LRRC4C: variants seen among roughly 807,000 people sequenced by gnomAD.
The protein encoded by LRRC4C is leucine rich repeat containing 4C.
A neutral mutation model predicts 33.6 loss-of-function variants in LRRC4C; 5 were observed. The observed-to-expected ratio is 0.15, with a 90% CI of 0.08 to 0.31. The LOEUF (loss-of-function observed/expected upper bound fraction) is 0.31, where lower values mean the gene tolerates loss of function less well. Among genes scored for constraint, LRRC4C ranks in the 10% least tolerant of loss-of-function variants. LRRC4C has a pLI of 1.00. For missense variants in LRRC4C, 560 were observed against 796.7 expected (o/e 0.70, Z 3.58); for synonymous variants, 329 against 302.0 (o/e 1.09, Z -0.93).
intron 3 of LRRC4C, among the ~76,000 whole-genome samples, chr11:40,357,323 G>A (rs533062739): frequency 1.1e-4 from 17 of 152,212 alleles, no homozygotes; most frequent in Middle Eastern, 3.4e-3. Flanking sequence ...GAACAGGGGC[G>A]TGCTTTCTGT....
chr11:40,764,512 G>C (rs1339300340), intron 2 of LRRC4C, among the ~76,000 whole-genome samples: 1 of 152,132 alleles, frequency 6.6e-6, no homozygotes, highest in Non-Finnish European at 1.5e-5. Flanking sequence ...AGCATTTTGG[G>C]ATCCACCTTT....
At chr11:40,315,727 C>T (rs1449250824) in intron 4 of LRRC4C, among the ~76,000 whole-genome samples, 1 of 151,958 alleles carries the variant, frequency 6.6e-6, no homozygotes, top group Non-Finnish European at 1.5e-5. Flanking sequence ...TATTTGCAAT[C>T]TTAGAAAAGG....
At chr11:40,683,537 TA>T (rs199555726) in intron 2 of LRRC4C, among the ~76,000 whole-genome samples, 2,850 of 151,588 alleles carry the variant, frequency 0.019, 31 homozygotes, top group Middle Eastern at 0.044. Context: ...ATAACTGATA[TA>T]AAAAAAAGTG....
chr11:40,650,696 T>C (rs1942740717), intron 2 of LRRC4C, among the ~76,000 whole-genome samples: 1 of 152,212 alleles, frequency 6.6e-6, no homozygotes, highest in Non-Finnish European at 1.5e-5. Flanking sequence ...TTCACAGTAC[T>C]CTTTTAACTA....
chr11:40,695,947 T>G (rs1428892637), intron 2 of LRRC4C, among the ~76,000 whole-genome samples: 1 of 151,822 alleles, frequency 6.6e-6, no homozygotes, highest in Non-Finnish European at 1.5e-5. Flanking sequence ...GAAGTAGACA[T>G]CTCTAGGGGT....
chr11:40,335,527 T>C (rs1447487222), intron 3 of LRRC4C, among the ~76,000 whole-genome samples: 1 of 152,326 alleles, frequency 6.6e-6, no homozygotes, highest in South Asian at 2.1e-4. Flanking sequence ...CGCTAGAGCA[T>C]GAAAAATGTA....
intron 2 of LRRC4C, among the ~76,000 whole-genome samples, chr11:40,798,573 T>A (rs886455790): frequency 6.6e-6 from 1 of 152,090 alleles, no homozygotes; most frequent in African/African-American, 2.4e-5. Context: ...TATAGATGCA[T>A]AATAAAAGTA....
At chr11:41,362,753 C>A (rs568232413) in intron 1 of LRRC4C, among the ~76,000 whole-genome samples, 1 of 152,012 alleles carries the variant, frequency 6.6e-6, no homozygotes, top group Non-Finnish European at 1.5e-5. Flanking sequence ...AAGTCAGTGT[C>A]CTTGTTTTAT....
chr11:40,385,758 T>C (rs1264260572), intron 3 of LRRC4C, among the ~76,000 whole-genome samples: 1 of 151,808 alleles, frequency 6.6e-6, no homozygotes, highest in Non-Finnish European at 1.5e-5. Context: ...TCCCAGCTAC[T>C]CGGGAGGCTG....
chr11:40,525,497 A>G (rs12281469), intron 3 of LRRC4C, among the ~76,000 whole-genome samples: 13,235 of 151,990 alleles, frequency 0.087, 1,618 homozygotes, highest in African/African-American at 0.28. Context: ...CACAATTTAC[A>G]TTACTAAAAA....
chr11:40,645,485 A>C (rs1232585622), intron 3 of LRRC4C, among the ~76,000 whole-genome samples: 1 of 152,166 alleles, frequency 6.6e-6, no homozygotes, highest in East Asian at 1.9e-4. Flanking sequence ...GGGAGAATAG[A>C]AGCTTGAGAG....
intron 1 of LRRC4C, among the ~76,000 whole-genome samples, chr11:41,135,092 A>G (rs1433915557): frequency 6.6e-6 from 1 of 152,120 alleles, no homozygotes; most frequent in East Asian, 1.9e-4. Flanking sequence ...GACTAAAATC[A>G]CAGTCCATGG....
At chr11:40,249,912 A>G (rs1313103795) in intron 4 of LRRC4C, among the ~76,000 whole-genome samples, 1 of 152,376 alleles carries the variant, frequency 6.6e-6, no homozygotes, top group East Asian at 1.9e-4. Context: ...TTAGTGCAGA[A>G]TAAAGTATAA....
intron 1 of LRRC4C, among the ~76,000 whole-genome samples, chr11:41,319,654 C>T (rs746541962): frequency 2.6e-5 from 4 of 152,198 alleles, no homozygotes; most frequent in African/African-American, 9.7e-5. Context: ...GCAATCCTCC[C>T]ACCTCCCAGG....
At chr11:41,252,146 G>A (rs1409060629) in intron 1 of LRRC4C, among the ~76,000 whole-genome samples, 1 of 152,142 alleles carries the variant, frequency 6.6e-6, no homozygotes, top group African/African-American at 2.4e-5. Flanking sequence ...TAAGGAAGAG[G>A]GATTGAATTC....
chr11:40,136,146 C>A (rs1856954636), intron 6 of LRRC4C, among the ~76,000 whole-genome samples: 1 of 151,914 alleles, frequency 6.6e-6, no homozygotes, highest in African/African-American at 2.4e-5. Flanking sequence ...GCTGCTTTTA[C>A]ACTGAAGGGC....
chr11:40,352,127 CTT>C, intron 3 of LRRC4C, among the ~76,000 whole-genome samples: 1 of 88,250 alleles, frequency 1.1e-5, no homozygotes, highest in Non-Finnish European at 2.4e-5. Flanking sequence ...TCCTTCCTTC[CTT>C]CCTTCCTTCC....
At chr11:40,660,826 A>G (rs1049676030) in intron 2 of LRRC4C, among the ~76,000 whole-genome samples, 1 of 152,222 alleles carries the variant, frequency 6.6e-6, no homozygotes, top group Admixed American at 6.5e-5. Flanking sequence ...ATGTGAACAC[A>G]TAATTTATAA....
intron 3 of LRRC4C, among the ~76,000 whole-genome samples, chr11:40,370,845 G>T (rs1271435705): frequency 6.6e-6 from 1 of 152,044 alleles, no homozygotes; most frequent in East Asian, 1.9e-4. Flanking sequence ...ACCCAAAAAT[G>T]AAATAAAATA....
Sources: allele counts gnomAD v4.1 joint callset (sites outside exome capture counted in the v4.1 genomes callset), GRCh38; gene constraint gnomAD v4.1.1; transcripts MANE v1.5; gene names NCBI Gene and HGNC (gene_info 2026-07-23, HGNC 2026-07-21).